The following NUMB variants were observed in gnomAD, a reference collection of about 807,000 sequenced individuals.
NUMB encodes protein numb homolog.
A neutral mutation model predicts 59.7 loss-of-function variants in NUMB; 29 were observed. The observed-to-expected ratio is 0.49, with a 90% CI of 0.36 to 0.66. The LOEUF (loss-of-function observed/expected upper bound fraction) is 0.66, where lower values mean the gene tolerates loss of function less well. NUMB is among the 30% of genes least tolerant of loss of function. The pLI is 0.00. For missense variants in NUMB, 723 were observed against 822.0 expected, an observed-to-expected ratio of 0.88 and a Z score of 1.47; for synonymous variants, 288 against 288.2, an observed-to-expected ratio of 1.00 and a Z score of 0.01.
intron 1 of NUMB, among the ~76,000 whole-genome samples, chr14:73,435,770 G>A (rs980821468): frequency 1.3e-5 from 2 of 151,816 alleles, no homozygotes; most frequent in Non-Finnish European, 2.9e-5. Flanking sequence ...ACTTTGGGAG[G>A]CTGAGGTGGG....
intron 2 of NUMB, among the ~76,000 whole-genome samples, chr14:73,386,520 G>A (rs936767246): frequency 6.6e-6 from 1 of 151,858 alleles, no homozygotes; most frequent in African/African-American, 2.4e-5. Flanking sequence ...TTTGGCAATA[G>A]GTTCTCTTAT....
intron 3 of NUMB, among the ~76,000 whole-genome samples, chr14:73,363,214 T>G (rs1156796839): frequency 2.0e-5 from 3 of 151,998 alleles, no homozygotes; most frequent in Non-Finnish European, 4.4e-5. Flanking sequence ...GGAGAATCAC[T>G]TGAGCCTGGG....
At chr14:73,278,386 G>A (rs1026852651) in intron 12 of NUMB, among the ~76,000 whole-genome samples, 8 of 151,684 alleles carry the variant, frequency 5.3e-5, no homozygotes, top group Non-Finnish European at 1.2e-4. Flanking sequence ...TGGGCATGGT[G>A]GCATGCACCT....
chr14:73,277,918 C>T (rs1333100170), intron 12 of NUMB, among the ~76,000 whole-genome samples: 2 of 151,512 alleles, frequency 1.3e-5, no homozygotes, highest in Non-Finnish European at 2.9e-5. Flanking sequence ...ATTAGCTGGG[C>T]GTGGTGGTAT....
chr14:73,296,040 A>G (rs1325855336), intron 7 of NUMB, among the ~76,000 whole-genome samples: 1 of 152,200 alleles, frequency 6.6e-6, no homozygotes, highest in African/African-American at 2.4e-5. Context: ...GCAAGAAGAA[A>G]TTTCAGATGT....
rs536932356 is a variant in NUMB at position 73,276,906 on chromosome 14, C to G, written c.1628G>C (p.Gly543Ala). ...QMVANVFGTA[G>A]HPQAAHPHQS... ...ATGGGGATGGGCAGCCTGAGGGTGG[C>G]CTGCAGTGCCAAATACGTTGGCCAC... is the stretch of plus-strand genomic sequence containing the variant. The change falls in exon 13 of 13, where the codon GGC (glycine) becomes GCC (alanine). Residue 543 changes from glycine (G) to alanine (A), a missense_variant. Transcript: ENST00000555238. 6.2e-6 allele frequency: 10 copies of G among 1,614,014 alleles called. No homozygotes were observed. In the African/African-American group the frequency reaches 6.7e-5, roughly 11 times the overall value.
intron 1 of NUMB, among the ~76,000 whole-genome samples, chr14:73,445,284 G>A (rs1170392093): frequency 7.2e-6 from 1 of 139,822 alleles, no homozygotes; most frequent in Non-Finnish European, 1.5e-5. Context: ...AGTCCCAGGA[G>A]TTTAAGGCTG....
chr14:73,339,720 C>A (rs1032514662), intron 4 of NUMB, among the ~76,000 whole-genome samples: 2 of 152,082 alleles, frequency 1.3e-5, no homozygotes, highest in African/African-American at 4.8e-5. Flanking sequence ...AATTGTAACC[C>A]CTGCCACACA....
At chr14:73,427,375 G>T (rs1004953735) in intron 1 of NUMB, among the ~76,000 whole-genome samples, 4 of 151,978 alleles carry the variant, frequency 2.6e-5, no homozygotes, top group Admixed American at 1.3e-4. Context: ...TGAGGCAGAA[G>T]AATCGCTTGA....
chr14:73,299,621 A>G (rs74061097), intron 6 of NUMB, among the ~76,000 whole-genome samples: 9,857 of 151,106 alleles, frequency 0.065, 796 homozygotes, highest in African/African-American at 0.18. Flanking sequence ...TATATGTCAT[A>G]TAATATGACA....
intron 2 of NUMB, among the ~76,000 whole-genome samples, chr14:73,398,411 AGAGAGT>A (rs1455582287): frequency 4.6e-4 from 48 of 104,124 alleles, no homozygotes; most frequent in Admixed American, 8.8e-4. Flanking sequence ...AGAGAGAGAG[AGAGAGT>A]GTGTGTGTGT....
intron 2 of NUMB, among the ~76,000 whole-genome samples, chr14:73,384,816 G>A (rs1471426752): frequency 6.6e-6 from 1 of 151,502 alleles, no homozygotes; most frequent in Non-Finnish European, 1.5e-5. Flanking sequence ...GAGCTCAAGT[G>A]ATCCTCCTGC....
intron 4 of NUMB, among the ~76,000 whole-genome samples, chr14:73,352,523 TA>T (rs1893437475): frequency 2.0e-4 from 5 of 24,796 alleles, no homozygotes; most frequent in African/African-American, 6.9e-4. Context: ...TATATATATA[TA>T]TATATGTTTT....
chr14:73,415,890 G>A (rs1897108724), intron 1 of NUMB, among the ~76,000 whole-genome samples: 1 of 152,058 alleles, frequency 6.6e-6, no homozygotes, highest in Non-Finnish European at 1.5e-5. Flanking sequence ...TTATAATAAA[G>A]AGGAAATATG....
chr14:73,299,570 ATG>A (rs1054146751), intron 6 of NUMB, among the ~76,000 whole-genome samples: 1 of 94,760 alleles, frequency 1.1e-5, no homozygotes, highest in Non-Finnish European at 1.9e-5. Context: ...TGTCATATAT[ATG>A]ACATGACATA....
In NUMB at chr14:73,284,338, G is replaced by A. The variant is rs201472255; in HGVS notation, c.692C>T (p.Ala231Val). The A allele has an allele frequency of 8.1e-6, 13 of 1,613,910 alleles. No homozygotes were observed. The highest frequency in any genetic ancestry group is 9.3e-6 in the Non-Finnish European group (11 of 1,179,938). Residue 231 changes from alanine to valine, a missense_variant, in exon 10 of 13, where the codon GCC becomes GTC. Around this residue, in one of 2 missense-constraint regions of NUMB, gnomAD observed 317 missense variants for 436.6 expected, o/e 0.73. Coordinates refer to ENST00000555238, the MANE Select transcript of NUMB (RefSeq NM_001005743.2). ...TGGGGATGGGGCAGTGTTGCCAGGGGCAACTGATGAACCAACGACTATCTT... is the reference window on the plus strand; with the variant it reads ...TGGGGATGGGGCAGTGTTGCCAGGGACAACTGATGAACCAACGACTATCTT... ...TDKIVVGSSV[A>V]PGNTAPSPSS...
chr14:73,332,254 C>CT (rs561239587), intron 4 of NUMB, among the ~76,000 whole-genome samples: 296 of 148,506 alleles, frequency 2.0e-3, no homozygotes, highest in Middle Eastern at 6.9e-3. Context: ...ATTCTTTTTT[C>CT]TTTTTTTTTT....
At chr14:73,302,271 G>C (rs563108322) in intron 6 of NUMB, among the ~76,000 whole-genome samples, 2 of 152,000 alleles carry the variant, frequency 1.3e-5, no homozygotes, top group African/African-American at 4.8e-5. Flanking sequence ...GTGGGTTCTT[G>C]TACATCATTA....
intron 1 of NUMB, among the ~76,000 whole-genome samples, chr14:73,453,118 A>T (rs77952088): frequency 6.6e-6 from 1 of 150,628 alleles, no homozygotes; most frequent in East Asian, 1.9e-4. Flanking sequence ...ACTTTTTTTT[A>T]TGGTTTCTTT....
Sources: allele counts gnomAD v4.1 joint callset (sites outside exome capture counted in the v4.1 genomes callset), GRCh38; gene constraint gnomAD v4.1.1; regional missense constraint gnomAD v4.1.1; transcripts MANE v1.5; gene names NCBI Gene and HGNC (gene_info 2026-07-23, HGNC 2026-07-21).